The following ADGRF5 variants were observed in gnomAD, a reference collection of about 807,000 sequenced individuals.
The protein encoded by ADGRF5 is G-protein coupled receptor 116.
Under a neutral mutation model 132.3 loss-of-function variants are expected in ADGRF5, and 75 were observed. The ratio of observed to expected loss-of-function variants is 0.57; its 90% CI spans 0.47 to 0.69. The LOEUF (loss-of-function observed/expected upper bound fraction) is 0.69. Ranked by LOEUF, ADGRF5 falls within the 30% of genes least tolerant of loss-of-function variation. The pLI is 0.00. For synonymous variants in ADGRF5, 629 were observed against 597.6 expected (o/e 1.05, Z -0.77); for missense variants, 1,516 against 1,630.6 (o/e 0.93, Z 1.21).
chr6:46,944,375 C>T (rs1017026554), intron 1 of ADGRF5, among the ~76,000 whole-genome samples: 1 of 152,220 alleles, frequency 6.6e-6, no homozygotes, highest in African/African-American at 2.4e-5. Context: ...GCTGTGTCAC[C>T]TGGTTCCTAA....
intron 1 of ADGRF5, among the ~76,000 whole-genome samples, chr6:46,945,931 G>A (rs1485556457): frequency 4.6e-5 from 7 of 152,158 alleles, no homozygotes; most frequent in South Asian, 2.1e-4. Flanking sequence ...CTCATGAGAC[G>A]TATTCACCAC....
chr6:46,872,172 T>C (rs982511408), intron 10 of ADGRF5, among the ~76,000 whole-genome samples, 159 bp from the exon 11 acceptor site: 8 of 152,196 alleles, frequency 5.3e-5, no homozygotes, highest in South Asian at 4.1e-4. Context: ...GTCTGCAGAC[T>C]CTGTATCCAG....
intron 1 of ADGRF5, among the ~76,000 whole-genome samples, chr6:46,939,397 A>T (rs899785652): frequency 6.6e-5 from 10 of 152,170 alleles, no homozygotes; most frequent in African/African-American, 2.4e-4. Flanking sequence ...GTTTGAGAAG[A>T]GTGTAGAGAC....
chr6:46,940,815 G>A (rs957892500), intron 1 of ADGRF5, among the ~76,000 whole-genome samples: 1 of 152,112 alleles, frequency 6.6e-6, no homozygotes, highest in African/African-American at 2.4e-5. Context: ...TATTTGGGTT[G>A]GATTTTCTTA....
intron 2 of ADGRF5, among the ~76,000 whole-genome samples, chr6:46,904,471 C>T (rs1017272822): frequency 2.0e-5 from 3 of 152,056 alleles, no homozygotes; most frequent in Non-Finnish European, 2.9e-5. Flanking sequence ...TATATGATTC[C>T]ACCTACAGGA....
chr6:46,930,569 G>T (rs761426567), intron 1 of ADGRF5, among the ~76,000 whole-genome samples: 1 of 152,182 alleles, frequency 6.6e-6, no homozygotes, highest in Non-Finnish European at 1.5e-5. Context: ...TTATTTATGG[G>T]CTGGCATGCA....
intron 1 of ADGRF5, 46 bp from the exon 2 acceptor site, chr6:46,906,832 T>C: frequency 2.3e-6 from 2 of 854,464 alleles, no homozygotes; most frequent in Non-Finnish European, 4.0e-6. Flanking sequence ...ATTTATTTCT[T>C]AAACAAGGAA....
rs1227824994 is a variant in ADGRF5, at chr6:46,878,243, C to T, written c.1199G>A (p.Ser400Asn). The change falls in exon 10 of 21, where the codon AGC becomes AAC. Residue 400 changes from serine (S) to asparagine (N), a missense_variant. Coordinates refer to ENST00000283296, the MANE Select transcript of ADGRF5 (RefSeq NM_001098518.2). ...TCCTTCCTGCTTCCATTCTACTTTG[C>T]TCCAATTAACATTACCCTGACTGCA... ...NCCSQGNVNW[S>N]KVEWKQEGKI... 3.1e-6 allele frequency: 5 copies of T among 1,613,388 alleles called. No homozygotes were observed. The highest frequency in any genetic ancestry group is 4.2e-6 in the Non-Finnish European group (5 of 1,179,374).
At chr6:46,932,456 G>T (rs1251701979) in intron 1 of ADGRF5, among the ~76,000 whole-genome samples, 1 of 152,116 alleles carries the variant, frequency 6.6e-6, no homozygotes, top group Non-Finnish European at 1.5e-5. Context: ...ATACCCCAAA[G>T]AAAAGTCACA....
chr6:46,900,830 A>T, intron 2 of ADGRF5, among the ~76,000 whole-genome samples: 1 of 152,226 alleles, frequency 6.6e-6, no homozygotes, highest in East Asian at 1.9e-4. Flanking sequence ...AATACATTTT[A>T]GCTATTATTA....
intron 3 of ADGRF5, among the ~76,000 whole-genome samples, chr6:46,897,322 C>CAA (rs796610068): frequency 7.0e-6 from 1 of 143,312 alleles, no homozygotes; most frequent in Non-Finnish European, 1.5e-5. Context: ...TCCAGTGACT[C>CAA]AAAAAAAAAA....
rs746651426 is a variant in ADGRF5 at position 46,871,980 on chromosome 6, C to G, written c.1274G>C (p.Ser425Thr). The change falls in exon 11 of 21, where the codon AGC (serine) becomes ACC (threonine). Residue 425 changes from serine (S) to threonine (T), a missense_variant. Physicochemically the swap from Ser to Thr is moderately conservative, Grantham distance 58. Coordinates refer to ENST00000283296, the MANE Select transcript of ADGRF5 (RefSeq NM_001098518.2). ...TCCATCAGCCTTGAGGGTGTATCTG[C>G]TGCAGCTAGAATCTATGTCTGTCTC... is the stretch of plus-strand genomic sequence containing the variant. ...TPETDIDSSCSRYTLKADGTQ... is the reference protein window; with the variant it reads ...TPETDIDSSCTRYTLKADGTQ... The G allele has an allele frequency of 6.2e-7, 1 of 1,611,074 alleles. No individual in the cohort carries two copies. Among genetic ancestry groups the G allele is most frequent in the South Asian group, 1.1e-5 (1 of 90,594 alleles).
chr6:46,853,892 A>G lies in ADGRF5; in HGVS notation c.*100T>C. 1 of 780,396 alleles carries G rather than the reference A, an allele frequency of 1.3e-6. No homozygotes were observed. The highest frequency in any genetic ancestry group is 2.1e-6 in the Non-Finnish European group (1 of 469,590). 48.3% of individuals were successfully genotyped at this position (780,396 alleles called of 1,614,324 possible). On this transcript the variant is annotated 3_prime_UTR_variant, in exon 21 of 21. Coordinates refer to ENST00000283296, the MANE Select transcript of ADGRF5 (RefSeq NM_001098518.2). ...GTCTTTTTGGCATCTGCTCCCGGAA[A>G]CCTGCCCCGAGAACACGTTCCCCAT...
chr6:46,874,853 C>T (rs558539987), intron 10 of ADGRF5, among the ~76,000 whole-genome samples: 7 of 152,298 alleles, frequency 4.6e-5, no homozygotes, highest in Admixed American at 3.9e-4. Flanking sequence ...CCCTGGAGGA[C>T]ATTTGGCAAG....
intron 1 of ADGRF5, among the ~76,000 whole-genome samples, chr6:46,934,274 G>C (rs1046115573): frequency 6.6e-6 from 1 of 152,134 alleles, no homozygotes; most frequent in Non-Finnish European, 1.5e-5. Context: ...TAAAATTAGA[G>C]AGCAGCCAGC....
At chr6:46,907,886 T>C (rs1411105816) in intron 1 of ADGRF5, 1 of 152,164 alleles carries the variant, frequency 6.6e-6, no homozygotes, top group African/African-American at 2.4e-5. Flanking sequence ...GAGACTCGAA[T>C]GAGATTAAAA....
In ADGRF5 at chr6:46,867,046, G is replaced by T. The variant is rs773486650; in HGVS notation, c.1713C>A (p.Ile571=). 6.2e-7 allele frequency: 1 copy of T among 1,613,504 alleles called. No individual in the cohort carries two copies. The highest frequency in any genetic ancestry group is 8.5e-7 in the Non-Finnish European group (1 of 1,179,386). Residue 571 remains isoleucine, a synonymous_variant, in exon 13 of 21, where the codon ATC becomes ATA. Coordinates refer to ENST00000283296, the MANE Select transcript of ADGRF5 (RefSeq NM_001098518.2). ...CAGTAGCTTCCAAAGGATCAACCAT[G>T]ATGTTCAGCTTTAGAGGCAGCGGGT... ...IVHPLPLKLN[I]MVDPLEATVS... is the part of the protein sequence containing the mutation.
At chr6:46,917,769 T>C (rs1398077096) in intron 1 of ADGRF5, among the ~76,000 whole-genome samples, 1 of 152,200 alleles carries the variant, frequency 6.6e-6, no homozygotes, top group Non-Finnish European at 1.5e-5. Context: ...CATGCAGTGT[T>C]TGGTTTTCTC....
At chr6:46,953,651 G>GTATATATATATATATCTATATATA (rs1778589735) in intron 1 of ADGRF5, among the ~76,000 whole-genome samples, 1 of 42,196 alleles carries the variant, frequency 2.4e-5, no homozygotes, top group African/African-American at 7.0e-5. Context: ...AGATATATGT[G>GTATATATATATATATCTATATATA]TATATATATA....
Sources: allele counts gnomAD v4.1 joint callset (sites outside exome capture counted in the v4.1 genomes callset), GRCh38; gene constraint gnomAD v4.1.1; transcripts MANE v1.5; gene names NCBI Gene and HGNC (gene_info 2026-07-23, HGNC 2026-07-21).